The following URB1 variants were observed in gnomAD, a reference collection of about 807,000 sequenced individuals.
The protein encoded by URB1 is URB1 ribosome biogenesis factor.
URB1 carries 197 observed loss-of-function variants against 242.3 expected under a neutral mutation model. The ratio of observed to expected loss-of-function variants is 0.81; its 90% CI spans 0.72 to 0.91. The LOEUF is 0.91. Among genes scored for constraint, URB1 ranks in the 40% least tolerant of loss-of-function variants. The pLI, the probability that URB1 is intolerant of heterozygous loss-of-function variation, is 0.00. For missense variants in URB1, 2,721 were observed against 2,860.5 expected, an observed-to-expected ratio of 0.95 and a Z score of 1.11; for synonymous variants, 1,153 against 1,201.8, an observed-to-expected ratio of 0.96 and a Z score of 0.84.
chr21:32,315,944 C>T (rs2032675861), intron 38 of URB1, among the ~76,000 whole-genome samples: 1 of 152,216 alleles, frequency 6.6e-6, no homozygotes, highest in Non-Finnish European at 1.5e-5. Flanking sequence ...GCTCTAACGG[C>T]CCCCTGGAGC....
At chr21:32,322,393 C>T (rs1601120873) in intron 33 of URB1, 85 bp downstream of exon 33, 1 of 1,237,402 alleles carries the variant, frequency 8.1e-7, no homozygotes. Flanking sequence ...CATACAGGAT[C>T]CATGGGGAAA....
At position 32,349,352 on chromosome 21, in the gene URB1, G is replaced by T; in HGVS notation, c.2964C>A (p.Leu988=). 1 of 1,551,230 alleles carries T rather than the reference G, an allele frequency of 6.4e-7. No individual in the cohort carries two copies. Among genetic ancestry groups the T allele is most frequent in the South Asian group, 1.2e-5 (1 of 84,020 alleles). ...AGGCCACGGACTCCATGTCCAGGAAGAGGTCGGCTTCGGCCCGGGCGGCCT... is the reference window on the plus strand; with the variant it reads ...AGGCCACGGACTCCATGTCCAGGAATAGGTCGGCTTCGGCCCGGGCGGCCT... ...RCEAARAEAD[L]FLDMESVASL... is the part of the protein sequence containing the mutation. The change falls in exon 21 of 39, where the codon CTC becomes CTA. Residue 988 remains leucine (L), a synonymous_variant. Transcript: ENST00000382751.
At chr21:32,322,344 T>C (rs1454245865) in intron 33 of URB1, 134 bp downstream of exon 33, 4 of 789,400 alleles carry the variant, frequency 5.1e-6, no homozygotes, top group East Asian at 2.7e-5. Flanking sequence ...AGTGCAGGCC[T>C]GCGTGGCCAC....
Position 32,341,517 on chromosome 21 carries a change from A to C in URB1, c.4265T>G (p.Leu1422Arg), listed in dbSNP as rs747552109. 5 of 1,551,502 alleles carry C rather than the reference A, an allele frequency of 3.2e-6. No homozygotes were observed. In the South Asian group the frequency reaches 3.6e-5, roughly 11 times the overall value. Residue 1422 changes from leucine to arginine, a missense_variant, in exon 25 of 39, where the codon CTT becomes CGT. By Grantham distance (102) the Leu-to-Arg change is moderately radical. Transcript: ENST00000382751. The part of the protein sequence containing the change: ...LLRLNALLHA[L>R]NEVDPGDWQK... ...CCAGTCACCAGGATCAACTTCATTAAGTGCATGCTATGAATAAAATAAGTA... is the reference window on the plus strand; with the variant it reads ...CCAGTCACCAGGATCAACTTCATTACGTGCATGCTATGAATAAAATAAGTA...
Position 32,334,168 on chromosome 21 carries a change from G to T in URB1, c.4852C>A (p.Pro1618Thr), listed in dbSNP as rs566568618. 411 of 1,544,394 alleles carry T rather than the reference G, an allele frequency of 2.7e-4. No homozygotes were observed. The highest frequency in any genetic ancestry group is 3.4e-4 in the Non-Finnish European group (385 of 1,141,710). Reference protein sequence around the residue: ...HFPQNRRLLPPEDTQELIFKD... With the variant: ...HFPQNRRLLPTEDTQELIFKD... ...CAGAACAGCAGCAGCCCAACCTCGGGGGGCAGCAGCCTCCGGTTCTGGGGG... is the reference window on the plus strand; with the variant it reads ...CAGAACAGCAGCAGCCCAACCTCGGTGGGCAGCAGCCTCCGGTTCTGGGGG... Residue 1618 changes from proline (P) to threonine (T), a missense_variant, in exon 29 of 39, where the codon CCC becomes ACC. Transcript: ENST00000382751.
chr21:32,317,753 C>A lies in URB1; in HGVS notation c.5957G>T (p.Ser1986Ile), dbSNP rs145519835. ...KDVLVLLHKW[S>I]LIERDLKLQE... is the part of the protein sequence containing the mutation. ...GAGCTTGAGGTCTCTTTCAATGAGG[C>A]TCCACTTGTGCAAGAGGACAAGGAC... is the stretch of plus-strand genomic sequence containing the variant. Residue 1986 changes from serine to isoleucine, a missense_variant, in exon 37 of 39, where the codon AGC becomes ATC. Physicochemically the swap from Ser to Ile is moderately radical, Grantham distance 142. Coordinates refer to ENST00000382751, the MANE Select transcript of URB1 (RefSeq NM_014825.3). 3 of 1,551,902 alleles carry A rather than the reference C, an allele frequency of 1.9e-6. No homozygotes were observed. The East Asian group carries it at 7.3e-5, about 38-fold the overall frequency.
chr21:32,355,395 A>G (rs2033207674), intron 16 of URB1, 54 bp downstream of exon 16: 1 of 1,480,952 alleles, frequency 6.8e-7, no homozygotes, highest in African/African-American at 1.4e-5. Context: ...GACGCTAAGA[A>G]GTTAATATAA....
chr21:32,347,750 G>T lies in URB1; in HGVS notation c.3074C>A (p.Ala1025Asp). 1 of 1,549,472 alleles carries T rather than the reference G, an allele frequency of 6.5e-7. No individual in the cohort carries two copies. The change falls in exon 22 of 39, where the codon GCC becomes GAC. Residue 1025 changes from alanine (A) to aspartate (D), a missense_variant. Ala to Asp is a moderately radical substitution (Grantham distance 126). Transcript: ENST00000382751. ...CGGCGGGAGGGCCTGCTGCTCCAGG[G>T]CCAGGAACCAGCCCTCCAGGGTGGG... ...RHPTLEGWFL[A>D]LEQQALPPHT...
chr21:32,356,900 G>C (rs192052364), intron 15 of URB1, among the ~76,000 whole-genome samples: 2 of 152,344 alleles, frequency 1.3e-5, no homozygotes, highest in East Asian at 1.9e-4. Context: ...TGGAGGTCAA[G>C]ACTTAGACTG....
intron 6 of URB1, among the ~76,000 whole-genome samples, chr21:32,374,928 G>A (rs2033443040): frequency 6.6e-6 from 1 of 152,090 alleles, no homozygotes; most frequent in Admixed American, 6.6e-5. Flanking sequence ...ATGTTGGGAG[G>A]GTCATAGTTT....
chr21:32,369,975 C>CAAAAAA (rs34377037), intron 8 of URB1, among the ~76,000 whole-genome samples: 2 of 88,554 alleles, frequency 2.3e-5, no homozygotes, highest in Non-Finnish European at 2.4e-5. Context: ...GTCTCCATCT[C>CAAAAAA]AAAAAAAAAA....
chr21:32,353,932 C>A lies in URB1; in HGVS notation c.2416+1G>T, dbSNP rs910379532. ...AAGACATCCTGACTATACATAGGTA[C>A]CTGCTTCATTGCCTGTCCCAAGGAG... is the stretch of plus-strand genomic sequence containing the variant. On this transcript the variant is annotated splice_donor_variant, in intron 18 of 38. Transcript: ENST00000382751. LOFTEE classifies it high-confidence loss of function. 4 of 1,551,522 alleles carry A rather than the reference C, an allele frequency of 2.6e-6. No individual in the cohort carries two copies. Among genetic ancestry groups the A allele is most frequent in the South Asian group, 1.2e-5 (1 of 84,040 alleles).
rs370120322 is a variant in URB1 at position 32,317,711 on chromosome 21, G to A, written c.5999C>T (p.Ala2000Val). ...CCGGGCTTGGGCCTTCTCAATGGCT[G>A]CTCTCAGGTCTTCCTGGAGCTTGAG... ...RDLKLQEDLR[A>V]AIEKAQAREL... Residue 2000 changes from alanine to valine, a missense_variant, in exon 37 of 39, where the codon GCA becomes GTA. Ala to Val is a moderately conservative substitution (Grantham distance 64). Coordinates refer to ENST00000382751, the MANE Select transcript of URB1 (RefSeq NM_014825.3). 335 of 1,551,806 alleles carry A rather than the reference G, an allele frequency of 2.2e-4. 5 individuals carry two copies. The highest frequency in any genetic ancestry group is 1.8e-3 in the Middle Eastern group (11 of 5,992).
chr21:32,337,583 A>G, intron 26 of URB1, 69 bp from the exon 27 acceptor site: 1 of 1,336,198 alleles, frequency 7.5e-7, no homozygotes. Flanking sequence ...AAGAGGAGAG[A>G]GCCTTCCAGG....
chr21:32,361,176 A>AAAGAAAGAAAGAAAGG, intron 12 of URB1, 53 bp from the exon 13 acceptor site: 1 of 763,322 alleles, frequency 1.3e-6, no homozygotes, highest in Non-Finnish European at 2.0e-6. Context: ...AGAAAGAAAG[A>AAAGAAAGAAAGAAAGG]AAGAAAGAAA....
At chr21:32,361,818 G>C in intron 12 of URB1, 74 bp downstream of exon 12, 2 of 1,497,602 alleles carry the variant, frequency 1.3e-6, no homozygotes, top group Non-Finnish European at 1.8e-6. Context: ...CTGGATAGGA[G>C]CTATCCTAGG....
At chr21:32,338,086 C>T (rs2032983282) in intron 26 of URB1, among the ~76,000 whole-genome samples, 1 of 152,146 alleles carries the variant, frequency 6.6e-6, no homozygotes, top group Admixed American at 6.5e-5. Context: ...TTATTAATAG[C>T]AGTTTATTAC....
In URB1 at chr21:32,359,946, T is replaced by C. The variant is rs561678414; in HGVS notation, c.1757-38A>G. The C allele has an allele frequency of 3.5e-5, 53 of 1,534,554 alleles. No homozygotes were observed. In the African/African-American group the frequency reaches 5.5e-4, roughly 16 times the overall value. ...AAGAGGCAGGCTGAAAAAAGTCACA[T>C]GGACGTGGGTGCCCAACAATTGCTG... On this transcript the variant is annotated intron_variant, in intron 13 of 38. Transcript: ENST00000382751.
Position 32,348,241 on chromosome 21 carries a change from C to T in URB1, c.3013-430G>A, listed in dbSNP as rs143578098. 9.5e-4 allele frequency among the ~76,000 whole-genome samples: 145 copies of T among 152,304 alleles called. No individual in the cohort carries two copies. In the East Asian group the frequency reaches 0.021, roughly 22 times the overall value. ...CAATCAGCTGCTGGCTTCTCCTCAG[C>T]GGCCTTGCCCTCCTAGATAAATCTG... On this transcript the variant is annotated intron_variant, in intron 21 of 38. Transcript: ENST00000382751.
Sources: gnomAD v4.1 joint callset for allele counts (sites outside exome capture counted in the v4.1 genomes callset) on GRCh38, gnomAD v4.1.1 for gene constraint, MANE v1.5 for transcripts, NCBI Gene and HGNC (gene_info 2026-07-23, HGNC 2026-07-21) for gene names.